Variants in RERE observed in about 807,000 individuals in gnomAD.
The protein encoded by RERE is arginine-glutamic acid dipeptide repeats.
In RERE, 40 loss-of-function variants were observed where a neutral mutation model predicts 146.1. The ratio of observed to expected loss-of-function variants is 0.27; its 90% CI spans 0.21 to 0.36. The LOEUF (loss-of-function observed/expected upper bound fraction) is 0.36. Ranked by LOEUF, RERE falls within the 10% of genes least tolerant of loss-of-function variation. RERE has a pLI of 1.00. For missense variants in RERE, 1,933 were observed against 2,138.7 expected, an observed-to-expected ratio of 0.90 and a Z score of 1.90; for synonymous variants, 1,003 against 866.0, an observed-to-expected ratio of 1.16 and a Z score of -2.78.
chr1:8,626,289 A>G (rs974845214), intron 2 of RERE, among the ~76,000 whole-genome samples: 2 of 152,182 alleles, frequency 1.3e-5, no homozygotes, highest in Admixed American at 1.3e-4. Context: ...TGTTATACCC[A>G]CTGCCAGCAT....
chr1:8,525,593 T>C (rs1428072810), intron 7 of RERE, among the ~76,000 whole-genome samples: 1 of 152,266 alleles, frequency 6.6e-6, no homozygotes, highest in Non-Finnish European at 1.5e-5. Flanking sequence ...TTCTTAGTTC[T>C]GATTTTACGC....
chr1:8,472,188 A>G (rs952654474), intron 10 of RERE, among the ~76,000 whole-genome samples: 4 of 152,228 alleles, frequency 2.6e-5, no homozygotes, highest in African/African-American at 9.6e-5. Flanking sequence ...TTCCTTACAT[A>G]AAGTAGAATT....
intron 7 of RERE, among the ~76,000 whole-genome samples, chr1:8,516,639 C>A (rs1340518943): frequency 6.6e-6 from 1 of 152,130 alleles, no homozygotes; most frequent in Non-Finnish European, 1.5e-5. Context: ...TCAAGGTCAG[C>A]TGACTCCAAA....
intron 7 of RERE, among the ~76,000 whole-genome samples, chr1:8,523,850 A>C (rs1645537572): frequency 1.3e-5 from 2 of 152,264 alleles, no homozygotes; most frequent in Non-Finnish European, 2.9e-5. Context: ...AACCTGATCC[A>C]GAGCTGATTC....
intron 3 of RERE, among the ~76,000 whole-genome samples, chr1:8,617,311 C>G (rs1477514813): frequency 8.3e-6 from 1 of 119,774 alleles, no homozygotes; most frequent in African/African-American, 3.3e-5. Flanking sequence ...CCATTGCACT[C>G]CAGCCTGGGT....
intron 1 of RERE, among the ~76,000 whole-genome samples, chr1:8,804,302 C>T (rs1569833051): frequency 6.6e-6 from 1 of 152,118 alleles, no homozygotes; most frequent in Admixed American, 6.5e-5. Context: ...CTGAAGCCAT[C>T]GTTAGATCAA....
At chr1:8,545,483 C>G (rs960449061) in intron 6 of RERE, among the ~76,000 whole-genome samples, 1 of 152,056 alleles carries the variant, frequency 6.6e-6, no homozygotes, top group East Asian at 1.9e-4. Flanking sequence ...GAAATTCACT[C>G]TCTTAAAATT....
At chr1:8,755,575 G>C in intron 1 of RERE, among the ~76,000 whole-genome samples, 1 of 152,142 alleles carries the variant, frequency 6.6e-6, no homozygotes, top group Non-Finnish European at 1.5e-5. Flanking sequence ...CCTCTGGGGA[G>C]GTTGAAAGGC....
chr1:8,510,287 G>C (rs749335528), intron 7 of RERE, among the ~76,000 whole-genome samples: 38 of 151,920 alleles, frequency 2.5e-4, no homozygotes, highest in Non-Finnish European at 4.6e-4. Context: ...GCGGCTTCAA[G>C]AGAAGACACA....
At chr1:8,413,625 T>C (rs1051093921) in intron 12 of RERE, among the ~76,000 whole-genome samples, 1 of 152,108 alleles carries the variant, frequency 6.6e-6, no homozygotes, top group Admixed American at 6.5e-5. Flanking sequence ...ATTACAGACA[T>C]GAGCCACTGT....
At chr1:8,588,831 C>T (rs1646458006) in intron 4 of RERE, among the ~76,000 whole-genome samples, 1 of 152,138 alleles carries the variant, frequency 6.6e-6, no homozygotes, top group African/African-American at 2.4e-5. Flanking sequence ...GCTTAAGAAA[C>T]TACTGACTGA....
intron 11 of RERE, among the ~76,000 whole-genome samples, chr1:8,454,872 G>C (rs1295497803): frequency 1.3e-5 from 2 of 151,936 alleles, no homozygotes; most frequent in Non-Finnish European, 2.9e-5. Context: ...AGGGGAGTGG[G>C]GAGATCATAC....
chr1:8,688,514 T>C (rs920221924), intron 1 of RERE, among the ~76,000 whole-genome samples: 3 of 151,788 alleles, frequency 2.0e-5, no homozygotes, highest in African/African-American at 7.3e-5. Flanking sequence ...TGAGCCAAAA[T>C]TGTACCACTG....
At chr1:8,403,946 T>A (rs551761962) in intron 12 of RERE, among the ~76,000 whole-genome samples, 211 of 148,920 alleles carry the variant, frequency 1.4e-3, no homozygotes, top group Non-Finnish European at 2.1e-3. Context: ...TTCTCCTGCC[T>A]TAGCCACCTG....
chr1:8,520,907 G>GA (rs1443047670), intron 7 of RERE, among the ~76,000 whole-genome samples: 7 of 149,786 alleles, frequency 4.7e-5, no homozygotes, highest in East Asian at 2.0e-4. Context: ...AGCACCCCCA[G>GA]AAAAAAAAAG....
chr1:8,740,016 CT>C lies in RERE; in HGVS notation c.-145+77143del, dbSNP rs1640277238. On this transcript the variant is annotated intron_variant, in intron 1 of 22. Coordinates refer to ENST00000400908, the MANE Select transcript of RERE (RefSeq NM_001042681.2). ...CTTCTTTCCCCTATTGCCATATCCA[CT>C]TTTTGGTTAGCTGATTCTTCATCAT... Among the ~76,000 whole-genome samples, 3 of 152,096 alleles carry C rather than the reference CT, an allele frequency of 2.0e-5. No homozygotes were observed. The South Asian group carries it at 6.2e-4, about 31-fold the overall frequency.
intron 4 of RERE, among the ~76,000 whole-genome samples, chr1:8,585,084 T>C (rs945977871): frequency 3.3e-5 from 5 of 150,424 alleles, no homozygotes; most frequent in African/African-American, 9.8e-5. Flanking sequence ...GGAGGCAAGG[T>C]TGCAGTGAGC....
intron 10 of RERE, among the ~76,000 whole-genome samples, chr1:8,472,854 C>CTT (rs201311211): frequency 7.0e-6 from 1 of 142,128 alleles, no homozygotes. Flanking sequence ...GGCAGTGGTG[C>CTT]TTTTTTTTTT....
intron 11 of RERE, among the ~76,000 whole-genome samples, chr1:8,431,740 T>G (rs1644098571): frequency 6.6e-6 from 1 of 152,194 alleles, no homozygotes; most frequent in South Asian, 2.1e-4. Context: ...TTACTGTAAC[T>G]TTTTTCACTT....
Sources: gnomAD v4.1 joint callset for allele counts (sites outside exome capture counted in the v4.1 genomes callset) on GRCh38, gnomAD v4.1.1 for gene constraint, MANE v1.5 for transcripts, NCBI Gene and HGNC (gene_info 2026-07-23, HGNC 2026-07-21) for gene names.